Variants in ANXA6 observed in about 807,000 individuals in gnomAD.
ANXA6 encodes 67 kDa calelectrin.
ANXA6 carries 71 observed loss-of-function variants against 95.4 expected under a neutral mutation model. The ratio of observed to expected loss-of-function variants is 0.74; its 90% CI spans 0.61 to 0.91. The LOEUF is 0.91. ANXA6 is among the 40% of genes least tolerant of loss of function. The probability of loss-of-function intolerance (pLI) is 0.00; values close to 1 mark genes in which losing one functional copy is unlikely to be tolerated. For synonymous variants in ANXA6, 289 were observed against 315.9 expected (o/e 0.91, Z 0.90); for missense variants, 830 against 876.4 (o/e 0.95, Z 0.67).
At chr5:151,150,350 C>T (rs1195819330) in intron 1 of ANXA6, among the ~76,000 whole-genome samples, 1 of 152,124 alleles carries the variant, frequency 6.6e-6, no homozygotes, top group Non-Finnish European at 1.5e-5. Flanking sequence ...TGAAGCTTTC[C>T]CTTTTCTGCT....
rs1765941103 is a variant in ANXA6 at position 151,145,101 on chromosome 5, A to T, written c.18+2783T>A. Among the ~76,000 whole-genome samples the T allele has an allele frequency of 2.0e-5, 3 of 152,192 alleles. No homozygotes were observed. In the South Asian group the frequency reaches 6.2e-4, roughly 31 times the overall value. ...GGAACCCAGGATCAAGGCAGGGGAC[A>T]GCAGAGAAGGGACTTTCCACCCTGA... On this transcript the variant is annotated intron_variant, in intron 2 of 25. Coordinates refer to ENST00000354546, the MANE Select transcript of ANXA6 (RefSeq NM_001155.5).
chr5:151,108,152 G>C (rs1024375385), intron 23 of ANXA6, among the ~76,000 whole-genome samples: 6 of 151,886 alleles, frequency 4.0e-5, no homozygotes, highest in African/African-American at 1.2e-4. Flanking sequence ...TGTGTGTCAA[G>C]TGTGTGTGTG....
intron 25 of ANXA6, 64 bp from the exon 26 acceptor site, chr5:151,101,571 C>A: frequency 7.0e-7 from 1 of 1,422,922 alleles, no homozygotes; most frequent in Non-Finnish European, 9.7e-7. Flanking sequence ...CCCCTCCTCC[C>A]GGCTGCCCAT....
rs995270257 is a variant in ANXA6, at chr5:151,134,366, A to C, written c.546+61T>G. On this transcript the variant is annotated intron_variant, in intron 8 of 25. Transcript: ENST00000354546. ...ACCTCCAGCCCTTCCCAGGGCCCCA[A>C]CCTCTCCCCTCCCAAGGCTCTTCTG... 11 of 1,575,780 alleles carry C rather than the reference A, an allele frequency of 7.0e-6. No individual in the cohort carries two copies. In the African/African-American group the frequency reaches 1.5e-4, roughly 21 times the overall value.
At position 151,138,798 on chromosome 5, in the gene ANXA6, G is replaced by A. The variant is rs3213803; in HGVS notation, c.205-7C>T. 0.57 allele frequency: 917,753 copies of A among 1,599,300 alleles called. 268,372 individuals carry two copies. Among genetic ancestry groups the A allele is most frequent in the East Asian group, 0.8 (35,737 of 44,754 alleles). On this transcript the variant is annotated splice_polypyrimidine_tract_variant and splice_region_variant and intron_variant, in intron 4 of 25. Transcript: ENST00000354546. ...TTAAATCAGCAATGAGGTCCTGGCA[G>A]GTGGGGAAGAAGAGGAGATAGAAGA... is the stretch of plus-strand genomic sequence containing the variant.
chr5:151,123,707 G>T (rs1352370075), intron 15 of ANXA6, among the ~76,000 whole-genome samples: 1 of 152,196 alleles, frequency 6.6e-6, no homozygotes. Context: ...CTGTCAGACA[G>T]ATGGGGCAGA....
chr5:151,107,390 G>A (rs181210423), intron 23 of ANXA6, among the ~76,000 whole-genome samples: 170 of 152,310 alleles, frequency 1.1e-3, no homozygotes, highest in African/African-American at 3.8e-3. Flanking sequence ...TGAGTAAGTG[G>A]CAGAGCAGGG....
At chr5:151,134,873 G>T (rs930682742) in intron 7 of ANXA6, among the ~76,000 whole-genome samples, 1 of 152,160 alleles carries the variant, frequency 6.6e-6, no homozygotes, top group Admixed American at 6.5e-5. Context: ...TTCCACAGGG[G>T]CAAAGGATCT....
intron 20 of ANXA6, among the ~76,000 whole-genome samples, chr5:151,115,429 G>C (rs114826152): frequency 1.6e-3 from 245 of 152,254 alleles, no homozygotes; most frequent in African/African-American, 4.7e-3. Flanking sequence ...TTTCCACCCG[G>C]GTTCTCTCTC....
chr5:151,132,514 T>G lies in ANXA6; in HGVS notation c.698A>C (p.Glu233Ala), dbSNP rs1765542860. ...TAGCTTCTCAAAGTCCCCAGACAGC[T>G]CCCCTCGGATGCTGGCTTCAATCGG... ...GKPIEASIRGELSGDFEKLML... is the reference protein window; with the variant it reads ...GKPIEASIRGALSGDFEKLML... Residue 233 changes from glutamate (E) to alanine (A), a missense_variant, in exon 10 of 26, where the codon GAG becomes GCG. Transcript: ENST00000354546. 1.2e-6 allele frequency: 2 copies of G among 1,613,208 alleles called. No homozygotes were observed. Among genetic ancestry groups the G allele is most frequent in the African/African-American group, 2.7e-5 (2 of 74,840 alleles).
intron 1 of ANXA6, among the ~76,000 whole-genome samples, chr5:151,149,315 T>C (rs1231717522): frequency 6.6e-6 from 1 of 151,322 alleles, no homozygotes; most frequent in African/African-American, 2.4e-5. Flanking sequence ...ATATGATACG[T>C]AAAAATAAAT....
chr5:151,126,963 C>T (rs1033192664), intron 13 of ANXA6, among the ~76,000 whole-genome samples: 15 of 152,320 alleles, frequency 9.8e-5, no homozygotes, highest in South Asian at 2.1e-4. Context: ...GTGATCCGCC[C>T]GCCTCAGCCT....
At chr5:151,115,959 C>A (rs533481086) in intron 20 of ANXA6, among the ~76,000 whole-genome samples, 48 of 152,332 alleles carry the variant, frequency 3.2e-4, no homozygotes, top group African/African-American at 1.2e-3. Context: ...ATAAAACCAC[C>A]ACCACTTAGA....
chr5:151,140,345 G>GCCAACCCCGGA, intron 2 of ANXA6, 102 bp from the exon 3 acceptor site: 1 of 977,630 alleles, frequency 1.0e-6, no homozygotes, highest in Non-Finnish European at 1.6e-6. Flanking sequence ...AGGCTGAGCT[G>GCCAACCCCGGA]CTTTCCCTGC....
chr5:151,149,979 T>G (rs1443420462), intron 1 of ANXA6, among the ~76,000 whole-genome samples: 1 of 151,328 alleles, frequency 6.6e-6, no homozygotes, highest in African/African-American at 2.4e-5. Context: ...ATTAGCCAGG[T>G]GTGATGGTGT....
At chr5:151,120,522 C>T (rs111374155) in intron 17 of ANXA6, among the ~76,000 whole-genome samples, 42 of 151,760 alleles carry the variant, frequency 2.8e-4, no homozygotes, top group African/African-American at 9.4e-4. Flanking sequence ...TTCAAGACCA[C>T]GCTGGCAAAC....
At chr5:151,136,670 T>C (rs1343190048) in intron 6 of ANXA6, among the ~76,000 whole-genome samples, 1 of 152,166 alleles carries the variant, frequency 6.6e-6, no homozygotes, top group Non-Finnish European at 1.5e-5. Context: ...CCATATCTGA[T>C]CATCATACTC....
At chr5:151,119,657 T>C (rs775125761) in intron 17 of ANXA6, among the ~76,000 whole-genome samples, 1 of 152,174 alleles carries the variant, frequency 6.6e-6, no homozygotes, top group Non-Finnish European at 1.5e-5. Flanking sequence ...ACACCACATA[T>C]ACACATGAAC....
At chr5:151,103,454 G>T in intron 25 of ANXA6, 116 bp downstream of exon 25, 1 of 942,320 alleles carries the variant, frequency 1.1e-6, no homozygotes, top group Non-Finnish European at 1.5e-6. Context: ...TCAATATCCT[G>T]GCTGTTCTAA....
Sources: allele counts gnomAD v4.1 joint callset (sites outside exome capture counted in the v4.1 genomes callset), GRCh38; gene constraint gnomAD v4.1.1; transcripts MANE v1.5; gene names NCBI Gene and HGNC (gene_info 2026-07-23, HGNC 2026-07-21).